The following CACNA1S variants were observed in gnomAD, a reference collection of about 807,000 sequenced individuals.
CACNA1S encodes the protein voltage-dependent L-type calcium channel subunit alpha-1S.
Under a neutral mutation model 207.4 loss-of-function variants are expected in CACNA1S, and 126 were observed. The observed-to-expected ratio is 0.61, with a 90% confidence interval of 0.53 to 0.70. The LOEUF is 0.70. Ranked by LOEUF, CACNA1S falls within the 30% of genes least tolerant of loss-of-function variation. The pLI is 0.00. For missense variants in CACNA1S, 2,349 were observed against 2,422.8 expected (o/e 0.97, Z 0.64); for synonymous variants, 960 against 932.7 (o/e 1.03, Z -0.53).
chr1:201,080,745 G>GTTGT (rs1324934644), intron 10 of CACNA1S, among the ~76,000 whole-genome samples: 11 of 147,942 alleles, frequency 7.4e-5, no homozygotes, highest in Non-Finnish European at 1.2e-4. Context: ...TTTTTTTGTT[G>GTTGT]TTGTTTGTTT....
chr1:201,062,220 C>T (rs932475888), intron 23 of CACNA1S, 130 bp from the exon 24 acceptor site: 5 of 1,217,440 alleles, frequency 4.1e-6, no homozygotes, highest in African/African-American at 3.0e-5. Flanking sequence ...AAGGGGACAC[C>T]GCTGGGCGAG....
intron 2 of CACNA1S, among the ~76,000 whole-genome samples, chr1:201,104,976 A>G (rs1398185351): frequency 6.6e-6 from 1 of 152,266 alleles, no homozygotes; most frequent in Non-Finnish European, 1.5e-5. Flanking sequence ...ATTCAGTGTG[A>G]TAACACATAT....
rs1343941667 is a variant in CACNA1S, at chr1:201,048,552, G to T, written c.4441+30C>A. The stretch of plus-strand genomic sequence containing the variant: ...GCCAGAAACAGCCTCTGGGAGAAAG[G>T]AGGGGGCTCACATTGGAAGGCACTC... On this transcript the variant is annotated intron_variant, in intron 36 of 43. Coordinates refer to ENST00000362061, the MANE Select transcript of CACNA1S (RefSeq NM_000069.3). 4 of 1,508,896 alleles carry T rather than the reference G, an allele frequency of 2.7e-6. No individual in the cohort carries two copies. In the African/African-American group the frequency reaches 5.8e-5, roughly 22 times the overall value. 93.5% of individuals were successfully genotyped at this position (1,508,896 alleles called of 1,614,324 possible). A position where few individuals can be genotyped will look rare whatever the true frequency, so the allele number is the denominator to read the frequency against.
At chr1:201,091,378 T>C (rs925798684) in intron 5 of CACNA1S, among the ~76,000 whole-genome samples, 1 of 148,280 alleles carries the variant, frequency 6.7e-6, no homozygotes, top group Non-Finnish European at 1.5e-5. Context: ...GCCTGGAACA[T>C]ACCACATTGT....
chr1:201,039,753 A>G lies in CACNA1S; in HGVS notation c.*78T>C. The G allele has an allele frequency of 1.3e-6, 2 of 1,578,302 alleles. No homozygotes were observed. Among genetic ancestry groups the G allele is most frequent in the Non-Finnish European group, 1.7e-6 (2 of 1,161,370 alleles). ...GGGAGGGAGGCTGCTGCGGTGGGCT[A>G]GCCCTTCTCCACCCCAGCAACTTCC... On this transcript the variant is annotated 3_prime_UTR_variant, in exon 44 of 44. Transcript: ENST00000362061.
At chr1:201,083,125 T>A in intron 10 of CACNA1S, 37 bp downstream of exon 10, 1 of 1,613,052 alleles carries the variant, frequency 6.2e-7, no homozygotes. Context: ...CACAGCCACA[T>A]GTGCCCTCCT....
At chr1:201,081,314 A>G (rs565179819) in intron 10 of CACNA1S, among the ~76,000 whole-genome samples, 2 of 152,306 alleles carry the variant, frequency 1.3e-5, no homozygotes, top group South Asian at 4.2e-4. Context: ...CCACTAAAAG[A>G]CTTCCTTTTC....
At position 201,083,317 on chromosome 1, in the gene CACNA1S, T is replaced by C; in HGVS notation, c.1238A>G (p.His413Arg). The C allele has an allele frequency of 6.2e-7, 1 of 1,614,172 alleles. No individual in the cohort carries two copies. The highest frequency in any genetic ancestry group is 8.5e-7 in the Non-Finnish European group (1 of 1,180,012). ...AAAGATGCGGTTCCACTGCCTCCAATGTCGGCTGAGGGAGGGGACAGAGGA... is the reference window on the plus strand; with the variant it reads ...AAAGATGCGGTTCCACTGCCTCCAACGTCGGCTGAGGGAGGGGACAGAGGA... ...GLNKIIQFIR[H>R]WRQWNRIFRW... is the part of the protein sequence containing the mutation. The change falls in exon 10 of 44, where the codon CAT becomes CGT. Residue 413 changes from histidine (H) to arginine (R), a missense_variant. Physicochemically the swap from His to Arg is conservative, Grantham distance 29. Coordinates refer to ENST00000362061, the MANE Select transcript of CACNA1S (RefSeq NM_000069.3).
At chr1:201,058,338 C>G (rs1572032922) in intron 28 of CACNA1S, 70 bp downstream of exon 28, 8 of 1,367,760 alleles carry the variant, frequency 5.8e-6, no homozygotes, top group East Asian at 2.3e-5. Context: ...GGGCACCCCA[C>G]AAATATCTGT....
At position 201,079,133 on chromosome 1, in the gene CACNA1S, C is replaced by CA. The variant is rs1251962436; in HGVS notation, c.1394-1030dup. On this transcript the variant is annotated intron_variant, in intron 10 of 43. Coordinates refer to ENST00000362061, the MANE Select transcript of CACNA1S (RefSeq NM_000069.3). Reference sequence around the variant, plus strand: ...AGACTCCATCTCAAAAAAAAAAAAACAAAAAAACCCAAGACTCTCCCATTT... The same window carrying CA: ...AGACTCCATCTCAAAAAAAAAAAAACAAAAAAAACCCAAGACTCTCCCATTT... Among the ~76,000 whole-genome samples, 1,035 of 136,920 alleles carry CA rather than the reference C, an allele frequency of 7.6e-3. 12 individuals are homozygous for CA. Among genetic ancestry groups the CA allele is most frequent in the African/African-American group, 0.026 (989 of 37,456 alleles). 89.8% of individuals were successfully genotyped at this position (136,920 alleles called of 152,430 possible). A position where few individuals can be genotyped will look rare whatever the true frequency, so the allele number is the denominator to read the frequency against.
In CACNA1S at chr1:201,056,070, GACACACAC is replaced by G. The variant is rs58170287; in HGVS notation, c.3610-1517_3610-1510del. Among the ~76,000 whole-genome samples, 808 of 94,912 alleles carry G rather than the reference GACACACAC, an allele frequency of 8.5e-3. 8 individuals are homozygous for G. Among genetic ancestry groups the G allele is most frequent in the African/African-American group, 0.023 (737 of 32,534 alleles). The allele number at this position is 94,912 out of a possible 152,430, so 62.3% of individuals were successfully genotyped here. A position where few individuals can be genotyped will look rare whatever the true frequency, so the allele number is the denominator to read the frequency against. ...ACACACACAGACAGACAGACAGACAGACACACACACACACACACACACACACACACACA... is the reference window on the plus strand; with the variant it reads ...ACACACACAGACAGACAGACAGACAGACACACACACACACACACACACACA... On this transcript the variant is annotated intron_variant, in intron 28 of 43. Coordinates refer to ENST00000362061, the MANE Select transcript of CACNA1S (RefSeq NM_000069.3).
rs1660726433 is a variant in CACNA1S, at chr1:201,053,416, T to A, written c.3795+43A>T. ...CCTGGGCTGAGGCAGATGTCCCTAG[T>A]GGCCTCCCCAGGTACGTGCAGTTTC... On this transcript the variant is annotated intron_variant, in intron 30 of 43. Coordinates refer to ENST00000362061, the MANE Select transcript of CACNA1S (RefSeq NM_000069.3). This position sits in a 1 kb window ranked among gnomAD's most constrained non-coding sequence, Gnocchi z 5.1. 3.1e-6 allele frequency: 5 copies of A among 1,613,894 alleles called. No individual in the cohort carries two copies. Among genetic ancestry groups the A allele is most frequent in the Non-Finnish European group, 4.2e-6 (5 of 1,179,938 alleles).
intron 7 of CACNA1S, among the ~76,000 whole-genome samples, chr1:201,086,096 G>C (rs1384229645): frequency 6.6e-6 from 1 of 152,216 alleles, no homozygotes; most frequent in Non-Finnish European, 1.5e-5. Context: ...CCAGCAGAGG[G>C]CAGCCCTGGG....
In CACNA1S at chr1:201,073,031, A is replaced by G. The variant is rs532496514; in HGVS notation, c.2158-207T>C. On this transcript the variant is annotated intron_variant, in intron 15 of 43. Coordinates refer to ENST00000362061, the MANE Select transcript of CACNA1S (RefSeq NM_000069.3). ...CAACTTGCAAAAGCTCCCACGGGGC[A>G]AGGCCTGAGCCCGCCCTAGCCTGTC... Among the ~76,000 whole-genome samples, 4 of 152,330 alleles carry G rather than the reference A, an allele frequency of 2.6e-5. No homozygotes were observed. The South Asian group carries it at 8.3e-4, about 32-fold the overall frequency.
Position 201,049,033 on chromosome 1 carries a change from C to T in CACNA1S, c.4308G>A (p.Gly1436=), listed in dbSNP as rs758009532. ...LRRIQPPLGF[G]KFCPHRVACK... ...AAGCTACCCGATGTGGGCAGAACTT[C>T]CCAAAGCCCAGAGGGGGCTGAATCC... The change falls in exon 35 of 44, where the codon GGG becomes GGA. Residue 1436 remains glycine (G), a synonymous_variant. Transcript: ENST00000362061. 3.1e-6 allele frequency: 5 copies of T among 1,613,936 alleles called. No homozygotes were observed. Among genetic ancestry groups the T allele is most frequent in the Non-Finnish European group, 4.2e-6 (5 of 1,179,934 alleles).
chr1:201,078,194 G>A (rs558506882), intron 10 of CACNA1S, 90 bp from the exon 11 acceptor site: 14 of 1,025,894 alleles, frequency 1.4e-5, no homozygotes, highest in African/African-American at 4.7e-5. Flanking sequence ...AACCCAGGAC[G>A]CCCCTTCCCT....
At chr1:201,087,538 G>A (rs1662074634) in intron 7 of CACNA1S, among the ~76,000 whole-genome samples, 1 of 152,114 alleles carries the variant, frequency 6.6e-6, no homozygotes, top group Non-Finnish European at 1.5e-5. Context: ...GAGGAAAAAG[G>A]CAAATTAAAA....
At chr1:201,069,729 G>T in intron 17 of CACNA1S, 128 bp from the exon 18 acceptor site, 1 of 1,137,568 alleles carries the variant, frequency 8.8e-7, no homozygotes, top group Non-Finnish European at 1.3e-6. Context: ...GAGAAGTGCA[G>T]CCCTGCACCT....
intron 6 of CACNA1S, among the ~76,000 whole-genome samples, chr1:201,088,689 T>C (rs1662118362): frequency 6.6e-6 from 1 of 152,188 alleles, no homozygotes; most frequent in Non-Finnish European, 1.5e-5. Context: ...ATGCCTTCCA[T>C]CATTGAAGGA....
Sources: allele counts gnomAD v4.1 joint callset (sites outside exome capture counted in the v4.1 genomes callset), GRCh38; gene constraint gnomAD v4.1.1; non-coding constraint Gnocchi (gnomAD v3.1); transcripts MANE v1.5; gene names NCBI Gene and HGNC (gene_info 2026-07-23, HGNC 2026-07-21).